Variants in RBFOX1 observed in about 807,000 individuals in gnomAD.
The protein encoded by RBFOX1 is RNA binding protein fox-1 homolog 1.
A neutral mutation model predicts 57.7 loss-of-function variants in RBFOX1; 8 were observed. That is an observed-to-expected ratio of 0.14 (90% confidence interval 0.08 to 0.25). The LOEUF is 0.25. Ranked by LOEUF, RBFOX1 falls within the 10% of genes least tolerant of loss-of-function variation. The pLI is 1.00. For synonymous variants in RBFOX1, 326 were observed against 222.4 expected, an observed-to-expected ratio of 1.47 and a Z score of -4.15; for missense variants, 611 against 548.5, an observed-to-expected ratio of 1.11 and a Z score of -1.14.
At chr16:5,410,432 C>T (rs1219617118) in intron 1 of RBFOX1, among the ~76,000 whole-genome samples, 2 of 152,014 alleles carry the variant, frequency 1.3e-5, no homozygotes, top group Non-Finnish European at 2.9e-5. Context: ...GGAAAGGTTT[C>T]CCAACAAAGA....
intron 14 of RBFOX1, among the ~76,000 whole-genome samples, chr16:7,677,132 T>TGCACACACACACACACACACACACACAC (rs2073526965): frequency 7.3e-6 from 1 of 137,862 alleles, no homozygotes; most frequent in Non-Finnish European, 1.6e-5. Flanking sequence ...CACATACACA[T>TGCACACACACACACACACACACACACAC]ACACACACAC....
intron 3 of RBFOX1, among the ~76,000 whole-genome samples, chr16:6,880,034 C>G (rs944523259): frequency 1.3e-5 from 2 of 152,182 alleles, no homozygotes; most frequent in African/African-American, 4.8e-5. Flanking sequence ...TCTGTTTCCT[C>G]CATCCATGCA....
chr16:6,972,878 C>G (rs2085899102), intron 3 of RBFOX1, among the ~76,000 whole-genome samples: 1 of 152,118 alleles, frequency 6.6e-6, no homozygotes, highest in African/African-American at 2.4e-5. Flanking sequence ...TATCACAACA[C>G]TTTGGGAGGC....
At chr16:7,358,277 C>T (rs115387440) in intron 4 of RBFOX1, among the ~76,000 whole-genome samples, 4 of 152,232 alleles carry the variant, frequency 2.6e-5, no homozygotes, top group South Asian at 2.1e-4. Flanking sequence ...AGAGGGTGGC[C>T]GTGCCACCGA....
intron 4 of RBFOX1, among the ~76,000 whole-genome samples, chr16:7,471,521 T>TAGTC (rs1460400839): frequency 2.0e-5 from 3 of 152,196 alleles, no homozygotes; most frequent in African/African-American, 7.2e-5. Flanking sequence ...TTGGAGCACA[T>TAGTC]AGTCCAGTTT....
At chr16:5,914,432 C>A (rs914884444) in intron 4 of RBFOX1, among the ~76,000 whole-genome samples, 2 of 152,068 alleles carry the variant, frequency 1.3e-5, no homozygotes, top group African/African-American at 4.8e-5. Flanking sequence ...GCTAGAGAAT[C>A]CCCTTCCAAG....
intron 3 of RBFOX1, among the ~76,000 whole-genome samples, chr16:5,768,318 A>G (rs551513509): frequency 4.0e-4 from 61 of 152,298 alleles, no homozygotes; most frequent in African/African-American, 1.4e-3. Flanking sequence ...CGCTAAGATA[A>G]CTGAGCTTCT....
chr16:6,841,587 A>AC (rs1403069948), intron 3 of RBFOX1, among the ~76,000 whole-genome samples: 2 of 152,090 alleles, frequency 1.3e-5, no homozygotes, highest in Non-Finnish European at 2.9e-5. Flanking sequence ...CTGTCCACCC[A>AC]CAGTTGAAGA....
intron 2 of RBFOX1, among the ~76,000 whole-genome samples, chr16:6,623,015 C>A (rs1186087677): frequency 6.6e-6 from 1 of 152,188 alleles, no homozygotes; most frequent in Non-Finnish European, 1.5e-5. Flanking sequence ...CACACCACAT[C>A]TTTTACAAAG....
At chr16:5,537,538 A>C (rs61541977) in intron 2 of RBFOX1, among the ~76,000 whole-genome samples, 20,451 of 152,158 alleles carry the variant, frequency 0.13, 1,889 homozygotes, top group African/African-American at 0.27. Context: ...TTCCTTGCTT[A>C]TATGTGTTGT....
intron 3 of RBFOX1, among the ~76,000 whole-genome samples, chr16:7,031,413 T>G (rs560205350): frequency 7.2e-5 from 11 of 152,030 alleles, no homozygotes; most frequent in Non-Finnish European, 1.5e-4. Context: ...CTGGCTAACA[T>G]GGTGAAACCC....
chr16:7,652,152 G>A (rs532342400), intron 11 of RBFOX1, among the ~76,000 whole-genome samples: 1 of 151,682 alleles, frequency 6.6e-6, no homozygotes, highest in Non-Finnish European at 1.5e-5. Context: ...GGACAAGTGT[G>A]GTCATTATGC....
chr16:6,023,274 TATA>T (rs974814154), intron 1 of RBFOX1, among the ~76,000 whole-genome samples: 6 of 151,666 alleles, frequency 4.0e-5, no homozygotes, highest in Non-Finnish European at 8.8e-5. Context: ...AAGCTATATA[TATA>T]TATATATATA....
At chr16:6,740,623 A>T (rs1385977690) in intron 3 of RBFOX1, among the ~76,000 whole-genome samples, 2 of 152,204 alleles carry the variant, frequency 1.3e-5, no homozygotes, top group Non-Finnish European at 2.9e-5. Flanking sequence ...TTAAAATACA[A>T]TACAATTTTA....
At chr16:6,859,112 TATATATATATATATATACATATATATAC>T (rs1406893906) in intron 3 of RBFOX1, among the ~76,000 whole-genome samples, 5 of 63,334 alleles carry the variant, frequency 7.9e-5, no homozygotes, top group South Asian at 5.0e-4. Context: ...AAAAAAAGTG[TATATATATATATATATACATATATATAC>T]GTATATATAT....
intron 2 of RBFOX1, among the ~76,000 whole-genome samples, chr16:6,442,412 C>G (rs1031900652): frequency 2.0e-5 from 3 of 152,076 alleles, no homozygotes. Context: ...CAAAAATTAG[C>G]TGGGCATGGT....
intron 3 of RBFOX1, among the ~76,000 whole-genome samples, chr16:6,810,945 A>T (rs1428718894): frequency 6.6e-6 from 1 of 152,168 alleles, no homozygotes; most frequent in Non-Finnish European, 1.5e-5. Context: ...GTTGCTTCCA[A>T]CCATACACGT....
chr16:6,478,399 A>G (rs2095308526), intron 2 of RBFOX1, among the ~76,000 whole-genome samples: 1 of 11,540 alleles, frequency 8.7e-5, no homozygotes, highest in African/African-American at 4.0e-4. Context: ...ATATATATAT[A>G]TATATATATA....
intron 4 of RBFOX1, among the ~76,000 whole-genome samples, chr16:7,270,945 C>A: frequency 6.6e-6 from 1 of 152,150 alleles, no homozygotes; most frequent in East Asian, 1.9e-4. Context: ...TTAGGGGTTA[C>A]GGTGGGGCTG....
Sources: allele counts gnomAD v4.1 joint callset (sites outside exome capture counted in the v4.1 genomes callset), GRCh38; gene constraint gnomAD v4.1.1; transcripts MANE v1.5; gene names NCBI Gene and HGNC (gene_info 2026-07-23, HGNC 2026-07-21).